TRIML1: variants seen among roughly 807,000 people sequenced by gnomAD.
The protein encoded by TRIML1 is tripartite motif family like 1, also known as probable E3 ubiquitin-protein ligase TRIML1.
TRIML1 carries 34 observed loss-of-function variants against 32.3 expected under a neutral mutation model. The observed-to-expected ratio is 1.05, with a 90% confidence interval of 0.80 to 1.40. TRIML1 has a LOEUF of 1.40. Among genes scored for constraint, TRIML1 ranks in the 40% most tolerant of loss-of-function variants. TRIML1 has a pLI of 0.00. For missense variants in TRIML1, 595 were observed against 574.9 expected, an observed-to-expected ratio of 1.03 and a Z score of -0.36; for synonymous variants, 244 against 226.6, an observed-to-expected ratio of 1.08 and a Z score of -0.69.
At position 188,142,207 on chromosome 4, in the gene TRIML1, C is replaced by CGTGTGTGTGTGTGTGT. The variant is rs61461219; in HGVS notation, c.505-24_505-9dup. ...GGCATTTCTCTTACTAACTTTATCTCGTGTGTGTGTGTGTGTGTGTGTGTG... is the reference window on the plus strand; with the variant it reads ...GGCATTTCTCTTACTAACTTTATCTCGTGTGTGTGTGTGTGTGTGTGTGTGTGTGTGTGTGTGTGTG... On this transcript the variant is annotated intron_variant, in intron 2 of 5. Coordinates refer to ENST00000332517, the MANE Select transcript of TRIML1 (RefSeq NM_178556.5). The CGTGTGTGTGTGTGTGT allele has an allele frequency of 3.7e-5, 38 of 1,014,812 alleles. No homozygotes were observed. The African/African-American group carries it at 6.1e-4, about 16-fold the overall frequency. The allele number at this position is 1,014,812 out of a possible 1,614,324, so 62.9% of individuals were successfully genotyped here. A position where few individuals can be genotyped will look rare whatever the true frequency, so the allele number is the denominator to read the frequency against.
chr4:188,138,722 A>G (rs940975673), upstream of TRIML1, among the ~76,000 whole-genome samples: 1 of 152,152 alleles, frequency 6.6e-6, no homozygotes, highest in African/African-American at 2.4e-5. Context: ...TAAGTGAGCA[A>G]AATTACATTT....
chr4:188,140,515 G>C lies in TRIML1; in HGVS notation c.409-13G>C, dbSNP rs1365101316. 6.2e-7 allele frequency: 1 copy of C among 1,605,646 alleles called. No homozygotes were observed. ...TCTGCTCATTTGCCAGAAAGGGTTT[G>C]TTTCTATTGCAGGAGAAACTCCAGG... On this transcript the variant is annotated splice_polypyrimidine_tract_variant and intron_variant, in intron 1 of 5. Transcript: ENST00000332517.
In TRIML1 at chr4:188,139,889, G is replaced by A; in HGVS notation, c.331G>A (p.Gly111Ser). ...TAKALSDDEQ[G>S]GSAFVAQSHG... The stretch of plus-strand genomic sequence containing the variant: ...CAAGGCGCTCTCCGATGACGAGCAG[G>A]GTGGAAGCGCCTTCGTAGCCCAGAG... The change falls in exon 1 of 6, where the codon GGT (glycine) becomes AGT (serine). Residue 111 changes from glycine to serine, a missense_variant. By Grantham distance (56) the Gly-to-Ser change is moderately conservative (BLOSUM62 0). Transcript: ENST00000332517. 1.9e-6 allele frequency: 3 copies of A among 1,613,878 alleles called. No homozygotes were observed. The highest frequency in any genetic ancestry group is 2.5e-6 in the Non-Finnish European group (3 of 1,180,030).
upstream of TRIML1, among the ~76,000 whole-genome samples, chr4:188,137,902 C>T (rs183215615): frequency 6.7e-6 from 1 of 148,566 alleles, no homozygotes; most frequent in East Asian, 2.0e-4. Flanking sequence ...TGTGAGCAAC[C>T]GCGCCTGGCC....
chr4:188,139,296 G>A (rs1243908089), upstream of TRIML1: 3 of 361,680 alleles, frequency 8.3e-6, no homozygotes, highest in Admixed American at 4.4e-5. Context: ...TCTAGCATGT[G>A]TGCTTTTCAC....
chr4:188,140,428 T>G (rs1734809714), intron 1 of TRIML1, 100 bp from the exon 2 acceptor site: 5 of 935,486 alleles, frequency 5.3e-6, no homozygotes, highest in Non-Finnish European at 8.5e-6. Flanking sequence ...AGCCTGCCCT[T>G]TGTTTTAGAG....
At chr4:188,148,800 C>T (rs1374944267), downstream of TRIML1, among the ~76,000 whole-genome samples, 1 of 151,214 alleles carries the variant, frequency 6.6e-6, no homozygotes, top group East Asian at 2.0e-4. Flanking sequence ...CAGGGTTTCA[C>T]CATTTTGGCC....
chr4:188,149,777 G>C (rs943849931), downstream of TRIML1, among the ~76,000 whole-genome samples: 1 of 152,008 alleles, frequency 6.6e-6, no homozygotes, highest in Admixed American at 6.6e-5. Flanking sequence ...GACTATCTGT[G>C]GCCCACTGTG....
chr4:188,148,777 G>A (rs1343747742), downstream of TRIML1, among the ~76,000 whole-genome samples: 1 of 150,886 alleles, frequency 6.6e-6, no homozygotes, highest in Non-Finnish European at 1.5e-5. Flanking sequence ...TAGTTTTTAT[G>A]TTTTTGTAGA....
chr4:188,139,146 C>G (rs1734751636), upstream of TRIML1, among the ~76,000 whole-genome samples: 1 of 152,174 alleles, frequency 6.6e-6, no homozygotes, highest in East Asian at 1.9e-4. Context: ...CATCAAAACT[C>G]AAATCTCTTT....
At position 188,144,147 on chromosome 4, in the gene TRIML1, A is replaced by G; in HGVS notation, c.856+14A>G. On this transcript the variant is annotated intron_variant, in intron 5 of 5. Transcript: ENST00000332517. ...GAAAATTCAGCAGTAAGTCAGCCTG[A>G]TTTGTTACCCCTCCGGGGCTCGAAG... is the stretch of plus-strand genomic sequence containing the variant. 1 of 1,610,030 alleles carries G rather than the reference A, an allele frequency of 6.2e-7. No individual in the cohort carries two copies. Among genetic ancestry groups the G allele is most frequent in the Non-Finnish European group, 8.5e-7 (1 of 1,176,846 alleles).
downstream of TRIML1, among the ~76,000 whole-genome samples, chr4:188,149,657 T>C (rs1418174960): frequency 6.6e-6 from 1 of 152,142 alleles, no homozygotes; most frequent in Non-Finnish European, 1.5e-5. Flanking sequence ...TCCTGTGCTT[T>C]GCATTCACCA....
At chr4:188,148,901 CTTTTTTTTTTTTT>C (rs34415263), downstream of TRIML1, among the ~76,000 whole-genome samples, 6 of 63,786 alleles carry the variant, frequency 9.4e-5, no homozygotes, top group South Asian at 4.0e-3. Flanking sequence ...CGTGCCCAGG[CTTTTTTTTTTTTT>C]TTTTTTTTTT....
intron 1 of TRIML1, among the ~76,000 whole-genome samples, 167 bp downstream of exon 1, chr4:188,140,133 TG>T (rs199745542): frequency 0.23 from 33,360 of 147,444 alleles, 4,155 homozygotes; most frequent in Middle Eastern, 0.33. Flanking sequence ...TCCCTTTTTT[TG>T]TTTTTGAGAC....
chr4:188,137,861 C>T (rs1734708205), upstream of TRIML1, among the ~76,000 whole-genome samples: 1 of 151,692 alleles, frequency 6.6e-6, no homozygotes, highest in Non-Finnish European at 1.5e-5. Flanking sequence ...GATCCACCCA[C>T]CTCGGCCTCC....
upstream of TRIML1, among the ~76,000 whole-genome samples, chr4:188,137,923 TC>T (rs149293090): frequency 0.044 from 6,479 of 147,940 alleles, 292 homozygotes; most frequent in East Asian, 0.19. Flanking sequence ...AAACTTTTTT[TC>T]TTTTTTTTTT....
chr4:188,149,928 G>A (rs55995331), downstream of TRIML1, among the ~76,000 whole-genome samples: 2,537 of 151,750 alleles, frequency 0.017, 69 homozygotes, highest in African/African-American at 0.057. Flanking sequence ...TCAGCCTCCC[G>A]AGTAGCTGGG....
At chr4:188,150,454 CT>C (rs1479511117), downstream of TRIML1, among the ~76,000 whole-genome samples, 1 of 152,178 alleles carries the variant, frequency 6.6e-6, no homozygotes, top group African/African-American at 2.4e-5. Context: ...GATTTTATAT[CT>C]TGATTTCTCA....
In TRIML1 at chr4:188,140,560, T is replaced by A; in HGVS notation, c.441T>A (p.Arg147=). Residue 147 remains arginine (R), a synonymous_variant, in exon 2 of 6, where the codon CGT becomes CGA. Transcript: ENST00000332517. ...TCCAGGAAATCCTGAATCTTTTGCG[T>A]GTAAGGAGAAAGGAAGCTCAGGCTG... is the stretch of plus-strand genomic sequence containing the variant. The part of the protein sequence containing the change: ...EKLQEILNLL[R]VRRKEAQAVL... 2 of 1,614,024 alleles carry A rather than the reference T, an allele frequency of 1.2e-6. No individual in the cohort carries two copies. The highest frequency in any genetic ancestry group is 2.2e-5 in the South Asian group (2 of 91,084).
Sources: gnomAD v4.1 joint callset for allele counts (sites outside exome capture counted in the v4.1 genomes callset) on GRCh38, gnomAD v4.1.1 for gene constraint, MANE v1.5 for transcripts, NCBI Gene and HGNC (gene_info 2026-07-23, HGNC 2026-07-21) for gene names.